SMYD3: variants seen among roughly 807,000 people sequenced by gnomAD.
SMYD3 encodes the protein histone-lysine N-methyltransferase SMYD3.
Under a neutral mutation model 57.7 loss-of-function variants are expected in SMYD3, and 36 were observed. The observed-to-expected ratio is 0.62, with a 90% CI of 0.48 to 0.82. The LOEUF (loss-of-function observed/expected upper bound fraction) is 0.82. SMYD3 is among the 40% of genes least tolerant of loss of function. The pLI is 0.00. For missense variants in SMYD3, 515 were observed against 538.8 expected (o/e 0.96, Z 0.44); for synonymous variants, 211 against 195.0 (o/e 1.08, Z -0.68).
intron 1 of SMYD3, among the ~76,000 whole-genome samples, chr1:246,423,054 T>G (rs2067166058): frequency 6.6e-6 from 1 of 152,084 alleles, no homozygotes; most frequent in Non-Finnish European, 1.5e-5. Context: ...TTCCAATCAC[T>G]TTGGGAGGCC....
intron 8 of SMYD3, among the ~76,000 whole-genome samples, chr1:245,895,582 C>T (rs970328091): frequency 1.3e-5 from 2 of 152,216 alleles, no homozygotes; most frequent in African/African-American, 4.8e-5. Context: ...TAAAAACTTT[C>T]TTGGGCTGAG....
chr1:245,847,064 C>T (rs2050704123), intron 10 of SMYD3, among the ~76,000 whole-genome samples: 1 of 152,214 alleles, frequency 6.6e-6, no homozygotes, highest in Non-Finnish European at 1.5e-5. Flanking sequence ...ACCCTTGCTA[C>T]TTCAGTTCCC....
rs374176239 is a variant in SMYD3, at chr1:245,817,139, G to A, written c.1076+41357C>T. Among the ~76,000 whole-genome samples, 401 of 150,270 alleles carry A rather than the reference G, an allele frequency of 2.7e-3. 1 individual carries two copies. The highest frequency in any genetic ancestry group is 7.3e-3 in the Admixed American group (109 of 15,016). ...ACAGCAGTAACCTCTGCAGACTTAAGTGTCCCTGTCTGACAGCTTTGAAGA... is the reference window on the plus strand; with the variant it reads ...ACAGCAGTAACCTCTGCAGACTTAAATGTCCCTGTCTGACAGCTTTGAAGA... On this transcript the variant is annotated intron_variant, in intron 10 of 11. Coordinates refer to ENST00000490107, the MANE Select transcript of SMYD3 (RefSeq NM_001167740.2).
chr1:246,499,979 G>A (rs1000854417), intron 1 of SMYD3, among the ~76,000 whole-genome samples: 21 of 152,140 alleles, frequency 1.4e-4, no homozygotes, highest in Non-Finnish European at 2.2e-4. Context: ...TTAAATGCCA[G>A]AGTATGTTAA....
chr1:246,186,025 C>T (rs2062634842), intron 5 of SMYD3, among the ~76,000 whole-genome samples: 1 of 151,922 alleles, frequency 6.6e-6, no homozygotes, highest in African/African-American at 2.4e-5. Context: ...TCAAATCTCA[C>T]CATTTTTTTT....
intron 5 of SMYD3, among the ~76,000 whole-genome samples, chr1:246,214,791 A>G (rs981009208): frequency 2.6e-5 from 4 of 152,186 alleles, no homozygotes; most frequent in African/African-American, 9.7e-5. Context: ...ATATGGAGGA[A>G]TGATCATTAA....
intron 5 of SMYD3, among the ~76,000 whole-genome samples, chr1:246,230,569 TCCTG>T (rs1284463956): frequency 6.6e-6 from 1 of 152,168 alleles, no homozygotes; most frequent in African/African-American, 2.4e-5. Context: ...CAAGCTATCC[TCCTG>T]CCTAAGCCTC....
At chr1:246,444,287 G>A (rs1327697651) in intron 1 of SMYD3, among the ~76,000 whole-genome samples, 2 of 152,008 alleles carry the variant, frequency 1.3e-5, no homozygotes, top group Non-Finnish European at 1.5e-5. Flanking sequence ...CACCACGCCT[G>A]GCTAATTTTT....
chr1:246,203,772 C>T lies in SMYD3; in HGVS notation c.531+123429G>A, dbSNP rs2062954986. 6.6e-6 allele frequency among the ~76,000 whole-genome samples: 1 copy of T among 152,202 alleles called. No homozygotes were observed. The highest frequency in any genetic ancestry group is 2.4e-5 in the African/African-American group (1 of 41,472). ...CAGCCCAGAACACACTCTCCTTCTC[C>T]TGGGTTTCTCACTTGCTCCTGGCTC... On this transcript the variant is annotated intron_variant, in intron 5 of 11. Coordinates refer to ENST00000490107, the MANE Select transcript of SMYD3 (RefSeq NM_001167740.2). The surrounding 1 kb of genome is among the most constrained non-coding windows in gnomAD (Gnocchi z 4.6).
intron 1 of SMYD3, among the ~76,000 whole-genome samples, chr1:246,380,554 T>C (rs749837578): frequency 1.3e-5 from 2 of 152,258 alleles, no homozygotes; most frequent in African/African-American, 4.8e-5. Context: ...ATCCTTCCTA[T>C]TGTTGCTGTT....
At chr1:246,113,832 T>C (rs1157627471) in intron 5 of SMYD3, 2 of 152,022 alleles carry the variant, frequency 1.3e-5, no homozygotes, top group East Asian at 3.9e-4. Flanking sequence ...AGAAAAAGAG[T>C]GTGGGTAACA....
At position 245,956,262 on chromosome 1, in the gene SMYD3, T is replaced by A. The variant is rs575401360; in HGVS notation, c.532-26325A>T. On this transcript the variant is annotated intron_variant, in intron 5 of 11. Transcript: ENST00000490107. Reference sequence around the variant, plus strand: ...AGCACCTACTAATGTATATGGCACATAGTATACTCTCTACAATAAATGCTT... The same window carrying A: ...AGCACCTACTAATGTATATGGCACAAAGTATACTCTCTACAATAAATGCTT... Among the ~76,000 whole-genome samples, 12 of 152,302 alleles carry A rather than the reference T, an allele frequency of 7.9e-5. 1 individual carries two copies. The highest frequency in any genetic ancestry group is 2.9e-4 in the African/African-American group (12 of 41,574).
chr1:246,264,211 A>G (rs983157714), intron 5 of SMYD3, among the ~76,000 whole-genome samples: 21 of 152,328 alleles, frequency 1.4e-4, no homozygotes, highest in Admixed American at 4.6e-4. Context: ...TTCTTTTTAA[A>G]TTAGTATATC....
intron 1 of SMYD3, 65 bp downstream of exon 1, chr1:246,506,989 G>GCCCCCCCCCCCCCCCCCCCCCCCCCCCC: frequency 1.5e-6 from 1 of 649,320 alleles, no homozygotes; most frequent in Non-Finnish European, 2.1e-6. Flanking sequence ...GCCGCCCGAC[G>GCCCCCCCCCCCCCCCCCCCCCCCCCCCC]CCCCCCCCTC....
chr1:246,211,604 G>A (rs1444627344), intron 5 of SMYD3, among the ~76,000 whole-genome samples: 2 of 152,082 alleles, frequency 1.3e-5, no homozygotes, highest in Non-Finnish European at 2.9e-5. Context: ...AAAAGGCAGA[G>A]AAAGTACACA....
intron 5 of SMYD3, among the ~76,000 whole-genome samples, chr1:246,239,882 T>G (rs1032841511): frequency 1.2e-4 from 18 of 152,262 alleles, no homozygotes; most frequent in African/African-American, 4.1e-4. Flanking sequence ...GCTGCATAAA[T>G]GTCTTCTTTT....
chr1:246,289,292 C>G (rs1197650), intron 5 of SMYD3, among the ~76,000 whole-genome samples: 2,278 of 152,290 alleles, frequency 0.015, 32 homozygotes, highest in African/African-American at 0.036. Context: ...GACTTTGTTA[C>G]TTGCTGTTAG....
intron 10 of SMYD3, among the ~76,000 whole-genome samples, chr1:245,823,531 T>A (rs2049301649): frequency 6.6e-6 from 1 of 152,206 alleles, no homozygotes; most frequent in South Asian, 2.1e-4. Context: ...AAAGCTCCCA[T>A]TCATGTCAAC....
At chr1:246,380,592 T>A (rs2066371134) in intron 1 of SMYD3, among the ~76,000 whole-genome samples, 1 of 152,234 alleles carries the variant, frequency 6.6e-6, no homozygotes, top group South Asian at 2.1e-4. Context: ...ATAAATACAC[T>A]AAGAGTCTTT....
Sources: allele counts gnomAD v4.1 joint callset (sites outside exome capture counted in the v4.1 genomes callset), GRCh38; gene constraint gnomAD v4.1.1; non-coding constraint Gnocchi (gnomAD v3.1); transcripts MANE v1.5; gene names NCBI Gene and HGNC (gene_info 2026-07-23, HGNC 2026-07-21).